The following DGCR6L variants were observed in gnomAD, a reference collection of about 807,000 sequenced individuals.
DGCR6L encodes DiGeorge syndrome critical region gene 6 like.
DGCR6L carries 24 observed loss-of-function variants against 31.1 expected under a neutral mutation model. The observed-to-expected ratio is 0.77, with a 90% CI of 0.56 to 1.08. DGCR6L has a LOEUF of 1.08. DGCR6L is among the 50% of genes least tolerant of loss of function. The pLI is 0.00. For missense variants in DGCR6L, 218 were observed against 287.1 expected, an observed-to-expected ratio of 0.76 and a Z score of 1.74; for synonymous variants, 104 against 126.1, an observed-to-expected ratio of 0.82 and a Z score of 1.17.
At chr22:20,315,159 T>C in intron 4 of DGCR6L, 177 bp downstream of exon 4, 1 of 1,462,440 alleles carries the variant, frequency 6.8e-7, no homozygotes, top group Non-Finnish European at 9.3e-7. Flanking sequence ...CACCCTCCTG[T>C]AGGGAATGGG....
chr22:20,318,454 T>C (rs1001668014), intron 2 of DGCR6L: 1 of 132,304 alleles, frequency 7.6e-6, no homozygotes, highest in African/African-American at 2.5e-5. Flanking sequence ...TAGAATGCCC[T>C]GGACTCTACA....
chr22:20,317,365 CTAGA>C (rs1190835418), intron 2 of DGCR6L, among the ~76,000 whole-genome samples: 5 of 152,284 alleles, frequency 3.3e-5, no homozygotes, highest in Non-Finnish European at 7.3e-5. Context: ...CCAGATTCCA[CTAGA>C]TAGACAACCA....
At chr22:20,316,515 CGGGA>C (rs1311673155) in intron 2 of DGCR6L, among the ~76,000 whole-genome samples, 1 of 152,188 alleles carries the variant, frequency 6.6e-6, no homozygotes, top group African/African-American at 2.4e-5. Context: ...AGGAGGCAGG[CGGGA>C]GGGAGGCTGC....
At position 20,315,492 on chromosome 22, in the gene DGCR6L, G is replaced by A. The variant is rs1170242673; in HGVS notation, c.373-16C>T. ...GTTCCACGGCCTGCCATGGGGCCAGGGCGCGGAGGGGGAGAGGTGAGGGCA... is the reference window on the plus strand; with the variant it reads ...GTTCCACGGCCTGCCATGGGGCCAGAGCGCGGAGGGGGAGAGGTGAGGGCA... On this transcript the variant is annotated splice_polypyrimidine_tract_variant and intron_variant, in intron 3 of 4. Coordinates refer to ENST00000248879, the MANE Select transcript of DGCR6L (RefSeq NM_033257.4). The A allele has an allele frequency of 6.2e-7, 1 of 1,611,462 alleles. No homozygotes were observed. The highest frequency in any genetic ancestry group is 8.5e-7 in the Non-Finnish European group (1 of 1,178,942).
At chr22:20,319,485 G>A (rs562649435) in intron 2 of DGCR6L, among the ~76,000 whole-genome samples, 154 bp downstream of exon 2, 3 of 152,346 alleles carry the variant, frequency 2.0e-5, no homozygotes, top group South Asian at 4.1e-4. Flanking sequence ...CACCAAAAAG[G>A]CGCTGTCTCA....
In DGCR6L at chr22:20,319,750, C is replaced by T; in HGVS notation, c.160G>A (p.Ala54Thr). ...SYTTLSDLALALLDGTVFEIV... is the reference protein window; with the variant it reads ...SYTTLSDLALTLLDGTVFEIV... ...TCGAACACGGTGCCGTCGAGAAGCGCCAGGGCCAGGTCGCTGAGCGTGGTG... is the reference window on the plus strand; with the variant it reads ...TCGAACACGGTGCCGTCGAGAAGCGTCAGGGCCAGGTCGCTGAGCGTGGTG... The change falls in exon 2 of 5, where the codon GCG becomes ACG. Residue 54 changes from alanine to threonine, a missense_variant. Ala to Thr is a moderately conservative substitution (Grantham distance 58). Coordinates refer to ENST00000248879, the MANE Select transcript of DGCR6L (RefSeq NM_033257.4). 1.2e-6 allele frequency: 2 copies of T among 1,612,846 alleles called. No homozygotes were observed. Among genetic ancestry groups the T allele is most frequent in the Non-Finnish European group, 1.7e-6 (2 of 1,179,536 alleles).
chr22:20,319,398 G>A (rs1479299356), intron 2 of DGCR6L, among the ~76,000 whole-genome samples: 1 of 152,256 alleles, frequency 6.6e-6, no homozygotes, highest in African/African-American at 2.4e-5. Flanking sequence ...TGGGGCACAG[G>A]GAAGCCCGAA....
intron 2 of DGCR6L, among the ~76,000 whole-genome samples, chr22:20,317,405 C>T (rs1383484921): frequency 6.6e-6 from 1 of 152,258 alleles, no homozygotes; most frequent in African/African-American, 2.4e-5. Context: ...GCCACGCTGG[C>T]TGCCTGGGCA....
intron 4 of DGCR6L, 33 bp from the exon 5 acceptor site, chr22:20,314,857 G>C (rs1401292329): frequency 6.2e-7 from 1 of 1,610,062 alleles, no homozygotes; most frequent in African/African-American, 1.3e-5. Context: ...GAAGGCCAGA[G>C]TGACCCCCAG....
At chr22:20,317,645 T>C in intron 2 of DGCR6L, among the ~76,000 whole-genome samples, 1 of 152,232 alleles carries the variant, frequency 6.6e-6, no homozygotes, top group Non-Finnish European at 1.5e-5. Context: ...AAATGGCCGA[T>C]TCCAGGACTG....
At chr22:20,317,914 C>T (rs2051582109) in intron 2 of DGCR6L, among the ~76,000 whole-genome samples, 1 of 152,212 alleles carries the variant, frequency 6.6e-6, no homozygotes, top group Non-Finnish European at 1.5e-5. Context: ...GCCAATTCTA[C>T]ACAAACTCTT....
chr22:20,315,373 G>A lies in DGCR6L; in HGVS notation c.476C>T (p.Ala159Val), dbSNP rs758170132. The change falls in exon 4 of 5, where the codon GCG becomes GTG. Residue 159 changes from alanine (A) to valine (V), a missense_variant. By Grantham distance (64) the Ala-to-Val change is moderately conservative. Transcript: ENST00000248879. Reference protein sequence around the residue: ...VADQQSTLEKAGVAGFYVTTN... With the variant: ...VADQQSTLEKVGVAGFYVTTN... ...GGTCACGTAGAAGCCAGCCACCCCC[G>A]CCTTCTCCAGTGTGCTCTGCTGGTC... The A allele has an allele frequency of 9.9e-6, 16 of 1,613,880 alleles. No homozygotes were observed. Among genetic ancestry groups the A allele is most frequent in the Non-Finnish European group, 1.1e-5 (13 of 1,179,992 alleles).
In DGCR6L at chr22:20,316,215, G is replaced by A. The variant is rs528417708; in HGVS notation, c.276C>T (p.Leu92=). 5 of 1,601,778 alleles carry A rather than the reference G, an allele frequency of 3.1e-6. No homozygotes were observed. The South Asian group carries it at 4.5e-5, about 14-fold the overall frequency. The change falls in exon 3 of 5, where the codon CTC becomes CTT. Residue 92 remains leucine (L), a synonymous_variant. Coordinates refer to ENST00000248879, the MANE Select transcript of DGCR6L (RefSeq NM_033257.4). ...RLRLQNEHRV[L]RQALRQKHQE... is the part of the protein sequence containing the mutation. ...GGTGCTTCTGCCGCAGCGCCTGCCT[G>A]AGCACTGGGAGGGATGAGAGCCCGT... is the stretch of plus-strand genomic sequence containing the variant.
chr22:20,315,967 G>A, intron 3 of DGCR6L, 152 bp downstream of exon 3: 2 of 920,888 alleles, frequency 2.2e-6, no homozygotes, highest in Non-Finnish European at 3.2e-6. Flanking sequence ...GGAGCCACCT[G>A]GTGGGACTCA....
At chr22:20,316,038 C>G (rs2051568701) in intron 3 of DGCR6L, 81 bp downstream of exon 3, 2 of 1,462,590 alleles carry the variant, frequency 1.4e-6, no homozygotes, top group Non-Finnish European at 1.8e-6. Flanking sequence ...CCCCCACACC[C>G]CTTCAGCTCA....
intron 4 of DGCR6L, 85 bp downstream of exon 4, chr22:20,315,251 G>A: frequency 6.5e-7 from 1 of 1,549,384 alleles, no homozygotes; most frequent in Non-Finnish European, 8.7e-7. Flanking sequence ...CCTGAGCCTG[G>A]CTCCCCAGGG....
chr22:20,315,498 G>A (rs200892747), intron 3 of DGCR6L, 22 bp from the exon 4 acceptor site: 1 of 1,610,018 alleles, frequency 6.2e-7, no homozygotes, highest in Admixed American at 1.7e-5. Flanking sequence ...CCAGGGCGCG[G>A]AGGGGGAGAG....
rs759562452 is a variant in DGCR6L, at chr22:20,316,101, T to G, written c.372+18A>C. The G allele has an allele frequency of 1.2e-5, 19 of 1,593,438 alleles. No homozygotes were observed. The East Asian group carries it at 2.9e-4, about 25-fold the overall frequency. Reference sequence around the variant, plus strand: ...CACAGGAGAGCTGGGCCGGCCACCCTGCCTGCGCCCCCAGTACCTCTAGTT... The same window carrying G: ...CACAGGAGAGCTGGGCCGGCCACCCGGCCTGCGCCCCCAGTACCTCTAGTT... On this transcript the variant is annotated intron_variant, in intron 3 of 4. Transcript: ENST00000248879.
chr22:20,314,955 G>A (rs1358612352), intron 4 of DGCR6L, 131 bp from the exon 5 acceptor site: 2 of 1,540,422 alleles, frequency 1.3e-6, no homozygotes, highest in Non-Finnish European at 1.8e-6. Context: ...TGCCAGGACA[G>A]GGTGGAATCT....
Sources: allele counts gnomAD v4.1 joint callset (sites outside exome capture counted in the v4.1 genomes callset), GRCh38; gene constraint gnomAD v4.1.1; transcripts MANE v1.5; gene names NCBI Gene and HGNC (gene_info 2026-07-23, HGNC 2026-07-21).